Variants in DCC observed in about 807,000 individuals in gnomAD.
The protein encoded by DCC is netrin receptor DCC.
In DCC, 58 loss-of-function variants were observed where a neutral mutation model predicts 172.5. The ratio of observed to expected loss-of-function variants is 0.34; its 90% confidence interval spans 0.27 to 0.42. The LOEUF (loss-of-function observed/expected upper bound fraction) is 0.42, where lower values mean the gene tolerates loss of function less well. DCC is among the 10% of genes least tolerant of loss of function. The pLI is 1.00. For synonymous variants in DCC, 709 were observed against 644.5 expected, an observed-to-expected ratio of 1.10 and a Z score of -1.52; for missense variants, 1,740 against 1,791.0, an observed-to-expected ratio of 0.97 and a Z score of 0.51.
chr18:53,261,386 T>C (rs1226943777), intron 12 of DCC, among the ~76,000 whole-genome samples: 1 of 152,174 alleles, frequency 6.6e-6, no homozygotes, highest in Middle Eastern at 3.2e-3. Context: ...TCTCCTGCAC[T>C]AGCATCAGGG....
intron 2 of DCC, among the ~76,000 whole-genome samples, chr18:52,753,245 C>T (rs899910585): frequency 5.9e-5 from 9 of 152,026 alleles, no homozygotes; most frequent in East Asian, 1.9e-4. Flanking sequence ...TCACCAACAA[C>T]GCACATTTTT....
chr18:53,234,292 G>A (rs191417891), intron 12 of DCC, among the ~76,000 whole-genome samples: 166 of 152,070 alleles, frequency 1.1e-3, no homozygotes, highest in African/African-American at 3.7e-3. Context: ...AGCCGGGCGT[G>A]GTGTTGGTCA....
rs74587144 is a variant in DCC, at chr18:52,388,845, G to T, written c.91+47967G>T. ...TATTAAGTATATGATCCACATGGAC[G>T]TATAAATGATAGCTTCGACTATAAG... On this transcript the variant is annotated intron_variant, in intron 1 of 28. Transcript: ENST00000442544. 2.0e-3 allele frequency among the ~76,000 whole-genome samples: 301 copies of T among 152,238 alleles called. 1 individual carries two copies. Among genetic ancestry groups the T allele is most frequent in the African/African-American group, 6.8e-3 (282 of 41,560 alleles).
intron 7 of DCC, among the ~76,000 whole-genome samples, chr18:53,136,107 A>C (rs1010337248): frequency 6.8e-6 from 1 of 147,170 alleles, no homozygotes; most frequent in Non-Finnish European, 1.5e-5. Context: ...AGAAATGTAA[A>C]TATCTGCAGT....
In DCC at chr18:52,611,574, T is replaced by C. The variant is rs552130111; in HGVS notation, c.92-140480T>C. Reference sequence around the variant, plus strand: ...TTCCAAAAACTGTAAGTAAACTGTCTTTTAGATCTTCATGTTGGGTGTCTC... The same window carrying C: ...TTCCAAAAACTGTAAGTAAACTGTCCTTTAGATCTTCATGTTGGGTGTCTC... On this transcript the variant is annotated intron_variant, in intron 1 of 28. Coordinates refer to ENST00000442544, the MANE Select transcript of DCC (RefSeq NM_005215.4). Among the ~76,000 whole-genome samples the C allele has an allele frequency of 1.4e-3, 211 of 152,326 alleles. 5 individuals are homozygous for C. Among genetic ancestry groups the C allele is most frequent in the East Asian group, 2.1e-3 (11 of 5,184 alleles).
chr18:52,986,177 A>G (rs944202677), intron 5 of DCC, among the ~76,000 whole-genome samples: 1 of 152,148 alleles, frequency 6.6e-6, no homozygotes, highest in Non-Finnish European at 1.5e-5. Flanking sequence ...TGCTTTCACT[A>G]TGGAGTTCTA....
chr18:52,812,607 C>T (rs1390827027), intron 2 of DCC, among the ~76,000 whole-genome samples: 4 of 152,162 alleles, frequency 2.6e-5, no homozygotes, highest in African/African-American at 7.2e-5. Flanking sequence ...ATAGCCAAAA[C>T]CTGGGTAGAA....
chr18:53,194,087 G>C (rs992378242), intron 9 of DCC, among the ~76,000 whole-genome samples: 1 of 152,090 alleles, frequency 6.6e-6, no homozygotes, highest in Admixed American at 6.5e-5. Flanking sequence ...ATCACCATGG[G>C]AAACACTCTG....
At chr18:52,822,539 C>A (rs1457356198) in intron 2 of DCC, among the ~76,000 whole-genome samples, 3 of 152,226 alleles carry the variant, frequency 2.0e-5, no homozygotes, top group East Asian at 3.9e-4. Context: ...AATTATAAGC[C>A]CCTGCAACAG....
chr18:53,372,409 A>G (rs2058068326), intron 15 of DCC, among the ~76,000 whole-genome samples: 1 of 152,130 alleles, frequency 6.6e-6, no homozygotes, highest in Non-Finnish European at 1.5e-5. Flanking sequence ...CTAAACAGTA[A>G]GAACATATGA....
chr18:52,955,335 C>T (rs2040724914), intron 5 of DCC, among the ~76,000 whole-genome samples: 1 of 151,696 alleles, frequency 6.6e-6, no homozygotes, highest in East Asian at 1.9e-4. Flanking sequence ...AAATTGGCTT[C>T]TTTCACTTAG....
At chr18:52,634,962 G>A (rs1185973024) in intron 1 of DCC, among the ~76,000 whole-genome samples, 5 of 152,106 alleles carry the variant, frequency 3.3e-5, no homozygotes, top group Non-Finnish European at 7.4e-5. Flanking sequence ...GCTCTATTAA[G>A]TGTCTCTTAG....
At chr18:53,021,170 G>A (rs535504203) in intron 5 of DCC, among the ~76,000 whole-genome samples, 16 of 152,306 alleles carry the variant, frequency 1.1e-4, no homozygotes, top group Middle Eastern at 3.4e-3. Context: ...GCAGGGTATG[G>A]CGAAGACAGA....
chr18:53,270,370 G>T (rs2056735070), intron 12 of DCC, among the ~76,000 whole-genome samples: 1 of 151,962 alleles, frequency 6.6e-6, no homozygotes, highest in Non-Finnish European at 1.5e-5. Context: ...CTTTGTTTTT[G>T]GGGGAGGGGG....
At chr18:53,313,174 G>T (rs2057302910) in intron 13 of DCC, among the ~76,000 whole-genome samples, 1 of 152,082 alleles carries the variant, frequency 6.6e-6, no homozygotes, top group Non-Finnish European at 1.5e-5. Context: ...ATTGCTTGGT[G>T]GTGGTTATTG....
At chr18:52,901,740 T>C (rs1244505981) in intron 2 of DCC, among the ~76,000 whole-genome samples, 1 of 152,156 alleles carries the variant, frequency 6.6e-6, no homozygotes, top group Admixed American at 6.5e-5. Flanking sequence ...CTTTCAAAAT[T>C]TGGATGTCTG....
At chr18:52,532,277 T>C (rs1001152531) in intron 1 of DCC, among the ~76,000 whole-genome samples, 11 of 152,200 alleles carry the variant, frequency 7.2e-5, no homozygotes, top group African/African-American at 2.7e-4. Context: ...ATGTGATTAA[T>C]GTGAGGACTT....
chr18:53,460,525 T>C (rs1157135415), intron 24 of DCC, among the ~76,000 whole-genome samples: 1 of 148,372 alleles, frequency 6.7e-6, no homozygotes, highest in Non-Finnish European at 1.5e-5. Flanking sequence ...AGTGAGAATA[T>C]GTGGTGTTTG....
chr18:53,203,643 A>C (rs1013320882), intron 9 of DCC, among the ~76,000 whole-genome samples: 6 of 151,540 alleles, frequency 4.0e-5, no homozygotes, highest in African/African-American at 1.5e-4. Context: ...CGCTGATCTA[A>C]GAAGTGTATC....
Sources: allele counts gnomAD v4.1 joint callset (sites outside exome capture counted in the v4.1 genomes callset), GRCh38; gene constraint gnomAD v4.1.1; transcripts MANE v1.5; gene names NCBI Gene and HGNC (gene_info 2026-07-23, HGNC 2026-07-21).